FOXN3: variants seen among roughly 807,000 people sequenced by gnomAD.
FOXN3 encodes forkhead box protein N3.
In FOXN3, 7 loss-of-function variants were observed where a neutral mutation model predicts 38.4. The observed-to-expected ratio is 0.18, with a 90% CI of 0.10 to 0.34. The LOEUF (loss-of-function observed/expected upper bound fraction) is 0.34. Ranked by LOEUF, FOXN3 falls within the 10% of genes least tolerant of loss-of-function variation. FOXN3 has a pLI of 1.00. For synonymous variants in FOXN3, 230 were observed against 242.2 expected (o/e 0.95, Z 0.47); for missense variants, 456 against 613.4 (o/e 0.74, Z 2.71).
At chr14:89,555,866 T>TGTGTGTGTGTGTGGGG (rs1895106543) in intron 1 of FOXN3, among the ~76,000 whole-genome samples, 1 of 126,842 alleles carries the variant, frequency 7.9e-6, no homozygotes, top group Admixed American at 9.3e-5. Flanking sequence ...TGTGTGTGTG[T>TGTGTGTGTGTGTGGGG]GTGTGTGTGT....
At position 89,543,343 on chromosome 14, in the gene FOXN3, CTT is replaced by C. The variant is rs377653968; in HGVS notation, c.-15+75683_-15+75684del. ...GGCCAAGGAGGCACAAGACTGACCT[CTT>C]TAGCTTCTACTGTGCTAAGTAATAT... On this transcript the variant is annotated intron_variant, in intron 1 of 6. Transcript: ENST00000345097. Among the ~76,000 whole-genome samples, 713 of 152,306 alleles carry C rather than the reference CTT, an allele frequency of 4.7e-3. 8 individuals are homozygous for C. The highest frequency in any genetic ancestry group is 7.3e-3 in the Non-Finnish European group (500 of 68,034).
intron 4 of FOXN3, among the ~76,000 whole-genome samples, chr14:89,219,322 T>C (rs1884381143): frequency 6.6e-6 from 1 of 152,216 alleles, no homozygotes; most frequent in Non-Finnish European, 1.5e-5. Flanking sequence ...GCCACCATTG[T>C]AAGTTTCCTG....
At chr14:89,600,186 T>C (rs982725739) in intron 1 of FOXN3, among the ~76,000 whole-genome samples, 43 of 152,192 alleles carry the variant, frequency 2.8e-4, no homozygotes, top group African/African-American at 9.9e-4. Flanking sequence ...CACTGTAAGT[T>C]AGGTGACCAT....
chr14:89,305,261 G>A (rs547200500), intron 3 of FOXN3, among the ~76,000 whole-genome samples: 1 of 152,138 alleles, frequency 6.6e-6, no homozygotes, highest in Non-Finnish European at 1.5e-5. Flanking sequence ...GACTTCAGAC[G>A]TTTATGCTGG....
chr14:89,180,588 T>A, intron 5 of FOXN3, 113 bp downstream of exon 5: 1 of 658,190 alleles, frequency 1.5e-6, no homozygotes, highest in Non-Finnish European at 2.4e-6. Flanking sequence ...ACCAGGTTTA[T>A]TGCTGTCACT....
intron 1 of FOXN3, among the ~76,000 whole-genome samples, chr14:89,544,497 T>C (rs1894848333): frequency 6.6e-6 from 1 of 152,124 alleles, no homozygotes; most frequent in South Asian, 2.1e-4. Flanking sequence ...CAGTCAATAA[T>C]CAACAAACCC....
chr14:89,377,236 G>A (rs1890510458), intron 2 of FOXN3, among the ~76,000 whole-genome samples: 1 of 151,510 alleles, frequency 6.6e-6, no homozygotes, highest in African/African-American at 2.4e-5. Context: ...AAAATGGGAA[G>A]ATCATTCCAG....
intron 2 of FOXN3, among the ~76,000 whole-genome samples, chr14:89,385,739 G>C (rs916923394): frequency 1.3e-5 from 2 of 152,180 alleles, no homozygotes; most frequent in African/African-American, 2.4e-5. Flanking sequence ...CCCAGGACGC[G>C]GAGGCTGTGG....
At chr14:89,397,027 T>C (rs1475938257) in intron 2 of FOXN3, among the ~76,000 whole-genome samples, 1 of 152,020 alleles carries the variant, frequency 6.6e-6, no homozygotes, top group Non-Finnish European at 1.5e-5. Flanking sequence ...AGCAAAGCCA[T>C]GGAATCAACC....
At chr14:89,524,240 G>A (rs1894380893) in intron 1 of FOXN3, among the ~76,000 whole-genome samples, 1 of 147,460 alleles carries the variant, frequency 6.8e-6, no homozygotes, top group Non-Finnish European at 1.5e-5. Flanking sequence ...CAAGCGAGGT[G>A]GTGGGCGCCT....
chr14:89,453,453 G>A (rs372903324), intron 1 of FOXN3, among the ~76,000 whole-genome samples: 3 of 149,538 alleles, frequency 2.0e-5, no homozygotes, highest in Non-Finnish European at 3.0e-5. Flanking sequence ...CCAGCTACTC[G>A]GGAGGCTGAA....
At chr14:89,224,046 G>A (rs1037547213) in intron 4 of FOXN3, among the ~76,000 whole-genome samples, 2 of 152,064 alleles carry the variant, frequency 1.3e-5, no homozygotes, top group Non-Finnish European at 2.9e-5. Context: ...CTTAAAATGT[G>A]GCATTAAATA....
chr14:89,497,399 AAT>A, intron 1 of FOXN3, among the ~76,000 whole-genome samples: 1 of 138,862 alleles, frequency 7.2e-6, no homozygotes, highest in East Asian at 2.2e-4. Context: ...TGAATGTATA[AAT>A]ATCTTTTTTT....
intron 1 of FOXN3, among the ~76,000 whole-genome samples, chr14:89,505,801 C>T (rs1194044921): frequency 1.3e-5 from 2 of 151,852 alleles, no homozygotes; most frequent in Non-Finnish European, 1.5e-5. Flanking sequence ...AGCGCCTCTT[C>T]CCGGCCACCA....
intron 1 of FOXN3, among the ~76,000 whole-genome samples, chr14:89,491,303 G>A (rs2139774552): frequency 6.6e-6 from 1 of 152,310 alleles, no homozygotes; most frequent in East Asian, 1.9e-4. Context: ...AATGCAATAT[G>A]TGCTATGATC....
intron 4 of FOXN3, among the ~76,000 whole-genome samples, chr14:89,217,447 G>A (rs1487240349): frequency 6.6e-6 from 1 of 152,130 alleles, no homozygotes; most frequent in Non-Finnish European, 1.5e-5. Context: ...GCCTCAAAAT[G>A]TTTTTATGTG....
intron 2 of FOXN3, among the ~76,000 whole-genome samples, chr14:89,383,835 G>A (rs1477284451): frequency 6.6e-6 from 1 of 151,532 alleles, no homozygotes; most frequent in African/African-American, 2.4e-5. Flanking sequence ...TGTCGCCCAG[G>A]GTGGAGTGCA....
intron 5 of FOXN3, among the ~76,000 whole-genome samples, chr14:89,175,598 A>T (rs1380644913): frequency 6.6e-6 from 1 of 152,206 alleles, no homozygotes; most frequent in Non-Finnish European, 1.5e-5. Context: ...CATGAGGCAG[A>T]CACACGTTTC....
At chr14:89,592,216 A>T (rs1411412893) in intron 1 of FOXN3, among the ~76,000 whole-genome samples, 1 of 152,194 alleles carries the variant, frequency 6.6e-6, no homozygotes, top group African/African-American at 2.4e-5. Context: ...AAATAAGCAA[A>T]CAGAAGGATC....
Sources: gnomAD v4.1 joint callset for allele counts (sites outside exome capture counted in the v4.1 genomes callset) on GRCh38, gnomAD v4.1.1 for gene constraint, MANE v1.5 for transcripts, NCBI Gene and HGNC (gene_info 2026-07-23, HGNC 2026-07-21) for gene names.